Variants in IVD observed in about 807,000 individuals in gnomAD.
IVD encodes the protein isovaleryl-CoA dehydrogenase, also known as isovaleryl-CoA dehydrogenase, mitochondrial.
A neutral mutation model predicts 51.3 loss-of-function variants in IVD; 31 were observed. The observed-to-expected ratio is 0.60, with a 90% CI of 0.45 to 0.81. The LOEUF (loss-of-function observed/expected upper bound fraction) is 0.81. Among genes scored for constraint, IVD ranks in the 40% least tolerant of loss-of-function variants. IVD has a pLI of 0.00. For synonymous variants in IVD, 205 were observed against 219.4 expected, an observed-to-expected ratio of 0.93 and a Z score of 0.58; for missense variants, 475 against 552.0, an observed-to-expected ratio of 0.86 and a Z score of 1.40.
In IVD at chr15:40,407,741, C is replaced by T. The variant is rs750473075; in HGVS notation, c.234+16C>T. ...GAACCTGCGAGTGAGTTGGGAGGTC[C>T]GGGCAGTCGGGGGCAGTCAGGGAGT... is the stretch of plus-strand genomic sequence containing the variant. On this transcript the variant is annotated intron_variant, in intron 2 of 11. Coordinates refer to ENST00000487418, the MANE Select transcript of IVD (RefSeq NM_002225.5). 3.5e-4 allele frequency: 565 copies of T among 1,607,494 alleles called. No individual in the cohort carries two copies. Among genetic ancestry groups the T allele is most frequent in the Middle Eastern group, 5.1e-4 (3 of 5,852 alleles).
rs775879832 is a variant in IVD, at chr15:40,418,170, T to C, written c.1179T>C (p.Phe393=). ...TCAATGACTTTCCCATGGGCCGCTTTCTTCGAGATGCCAAGCTGTATGAGA... is the reference window on the plus strand; with the variant it reads ...TCAATGACTTTCCCATGGGCCGCTTCCTTCGAGATGCCAAGCTGTATGAGA... The part of the protein sequence containing the change: ...GYINDFPMGR[F]LRDAKLYEIG... Residue 393 remains phenylalanine, a synonymous_variant, in exon 12 of 12, where the codon TTT becomes TTC. Coordinates refer to ENST00000487418, the MANE Select transcript of IVD (RefSeq NM_002225.5). 1 of 1,614,238 alleles carries C rather than the reference T, an allele frequency of 6.2e-7. No homozygotes were observed. The highest frequency in any genetic ancestry group is 2.2e-5 in the East Asian group (1 of 44,886).
chr15:40,423,362 C>T (rs1173930233), downstream of IVD, among the ~76,000 whole-genome samples: 1 of 152,200 alleles, frequency 6.6e-6, no homozygotes, highest in African/African-American at 2.4e-5. Flanking sequence ...AGGACAAAAC[C>T]ACTTTTGAAT....
At chr15:40,422,049 C>T (rs1425508039), downstream of IVD, among the ~76,000 whole-genome samples, 1 of 152,232 alleles carries the variant, frequency 6.6e-6, no homozygotes, top group Non-Finnish European at 1.5e-5. Context: ...CTTCTTCGAG[C>T]GCAGCACTGG....
In IVD at chr15:40,407,783, G is replaced by A. The variant is rs1890614831; in HGVS notation, c.234+58G>A. 2.0e-6 allele frequency: 3 copies of A among 1,494,378 alleles called. No homozygotes were observed. The East Asian group carries it at 6.8e-5, about 34-fold the overall frequency. 92.6% of individuals were successfully genotyped at this position (1,494,378 alleles called of 1,614,324 possible). On this transcript the variant is annotated intron_variant, in intron 2 of 11. Coordinates refer to ENST00000487418, the MANE Select transcript of IVD (RefSeq NM_002225.5). The stretch of plus-strand genomic sequence containing the variant: ...TCAGGGAGTGGGGCTGAGCTGCACT[G>A]CTGCCTGGAAGAGCTCACACAGTTT...
chr15:40,435,459 A>G, exon 9 of IVD: 1 of 1,242,110 alleles, frequency 8.1e-7, no homozygotes. Context: ...AGGGAGGGCG[A>G]GACCCGAGGT....
rs923739540 is a variant in IVD, at chr15:40,406,950, G to A, written c.145-686G>A. 4.7e-5 allele frequency among the ~76,000 whole-genome samples: 7 copies of A among 150,020 alleles called. No individual in the cohort carries two copies. In the South Asian group the frequency reaches 6.3e-4, roughly 13 times the overall value. On this transcript the variant is annotated intron_variant, in intron 1 of 11. Transcript: ENST00000487418. Reference sequence around the variant, plus strand: ...GCGATCTCCGCTCACCACAACGTCCGCCTCCCGGGTTCAAGTGATTCTCCT... The same window carrying A: ...GCGATCTCCGCTCACCACAACGTCCACCTCCCGGGTTCAAGTGATTCTCCT...
intron 11 of IVD, among the ~76,000 whole-genome samples, chr15:40,417,502 C>CAAAAAAAA (rs61345321): frequency 1.1e-5 from 1 of 88,640 alleles, no homozygotes. Context: ...AGCATGACTC[C>CAAAAAAAA]AAAAAAAAAA....
chr15:40,432,574 C>A (rs1893038932), intron 7 of IVD, among the ~76,000 whole-genome samples: 2 of 152,242 alleles, frequency 1.3e-5, no homozygotes. Flanking sequence ...GGCAAAAGAA[C>A]CACAGGTGAT....
At chr15:40,432,478 C>T (rs1007721978) in intron 7 of IVD, among the ~76,000 whole-genome samples, 4 of 152,234 alleles carry the variant, frequency 2.6e-5, no homozygotes. Flanking sequence ...ATACTTGTGG[C>T]CCAGACTGTA....
At chr15:40,423,002 C>A (rs933383870), downstream of IVD, among the ~76,000 whole-genome samples, 9 of 152,038 alleles carry the variant, frequency 5.9e-5, no homozygotes, top group Non-Finnish European at 1.3e-4. Context: ...GCAGCCTCGA[C>A]CTCCCTGGCT....
chr15:40,415,013 C>A (rs1163393668), intron 8 of IVD, 31 bp downstream of exon 8: 2 of 1,610,910 alleles, frequency 1.2e-6, no homozygotes, highest in Admixed American at 1.7e-5. Context: ...GGAAGCTGGG[C>A]TCTGTCGGCC....
At chr15:40,415,364 G>A (rs1291347930) in intron 8 of IVD, 37 bp from the exon 9 acceptor site, 2 of 1,563,870 alleles carry the variant, frequency 1.3e-6, no homozygotes, top group Non-Finnish European at 1.8e-6. Flanking sequence ...GTGGTGGGAT[G>A]AGGAGGTGCC....
At position 40,405,838 on chromosome 15, in the gene IVD, C is replaced by T. The variant is rs148189323; in HGVS notation, c.11C>T (p.Ala4Val). 419 of 1,611,988 alleles carry T rather than the reference C, an allele frequency of 2.6e-4. No individual in the cohort carries two copies. In the African/African-American group the frequency reaches 4.6e-3, roughly 18 times the overall value. Residue 4 changes from alanine to valine, a missense_variant, in exon 1 of 12, where the codon GCG (alanine) becomes GTG (valine). Coordinates refer to ENST00000487418, the MANE Select transcript of IVD (RefSeq NM_002225.5). MAT[A>V]TRLLGWRVAS... is the part of the protein sequence containing the mutation. Reference sequence around the variant, plus strand: ...TCGTGCATGGCAGAGATGGCGACTGCGACTCGGCTGCTGGGGTGGCGTGTG... The same window carrying T: ...TCGTGCATGGCAGAGATGGCGACTGTGACTCGGCTGCTGGGGTGGCGTGTG...
At chr15:40,408,051 A>G in intron 3 of IVD, 61 bp downstream of exon 3, 3 of 1,487,942 alleles carry the variant, frequency 2.0e-6, no homozygotes, top group Non-Finnish European at 1.9e-6. Flanking sequence ...GACAGTTCCC[A>G]AAAGAAGCAG....
At chr15:40,410,513 T>C in intron 3 of IVD, 115 bp from the exon 4 acceptor site, 1 of 1,192,768 alleles carries the variant, frequency 8.4e-7, no homozygotes, top group Non-Finnish European at 1.2e-6. Context: ...TAGAGAGAAT[T>C]TGGAGTAGGT....
In IVD at chr15:40,405,844, G is replaced by C. The variant is rs748160492; in HGVS notation, c.17G>C (p.Arg6Pro). Residue 6 changes from arginine (R) to proline (P), a missense_variant, in exon 1 of 12, where the codon CGG becomes CCG. Physicochemically the swap from Arg to Pro is moderately radical, Grantham distance 103. Transcript: ENST00000487418. ...ATGGCAGAGATGGCGACTGCGACTC[G>C]GCTGCTGGGGTGGCGTGTGGCGAGC... MATAT[R>P]LLGWRVASWR... The C allele has an allele frequency of 3.5e-5, 57 of 1,612,102 alleles. No individual in the cohort carries two copies. Among genetic ancestry groups the C allele is most frequent in the Non-Finnish European group, 4.6e-5 (54 of 1,178,840 alleles).
intron 1 of IVD, chr15:40,406,414 T>C: frequency 8.6e-7 from 1 of 1,166,720 alleles, no homozygotes; most frequent in Non-Finnish European, 1.1e-6. Context: ...ATAAACAGTT[T>C]GGGGGTTTTA....
chr15:40,413,535 A>C (rs1026950813), intron 7 of IVD, among the ~76,000 whole-genome samples: 2 of 152,164 alleles, frequency 1.3e-5, no homozygotes, highest in Non-Finnish European at 2.9e-5. Context: ...GAGAGAAGGC[A>C]GTTCTGCTTG....
chr15:40,434,889 A>G (rs1054598030), intron 8 of IVD, among the ~76,000 whole-genome samples: 16 of 152,182 alleles, frequency 1.1e-4, no homozygotes, highest in Non-Finnish European at 1.8e-4. Context: ...CTTACTATTG[A>G]ACCTGGCCAT....
Sources: gnomAD v4.1 joint callset for allele counts (sites outside exome capture counted in the v4.1 genomes callset) on GRCh38, gnomAD v4.1.1 for gene constraint, MANE v1.5 for transcripts, NCBI Gene and HGNC (gene_info 2026-07-23, HGNC 2026-07-21) for gene names.